EBF2: variants seen among roughly 807,000 people sequenced by gnomAD.
EBF2 encodes the protein transcription factor COE2.
In EBF2, 21 loss-of-function variants were observed where a neutral mutation model predicts 72.8. The ratio of observed to expected loss-of-function variants is 0.29; its 90% CI spans 0.20 to 0.42. The LOEUF (loss-of-function observed/expected upper bound fraction) is 0.42. EBF2 is among the 10% of genes least tolerant of loss of function. The pLI is 1.00. For missense variants in EBF2, 637 were observed against 731.2 expected, an observed-to-expected ratio of 0.87 and a Z score of 1.49; for synonymous variants, 299 against 274.2, an observed-to-expected ratio of 1.09 and a Z score of -0.89.
rs71551830 is a variant in EBF2 at position 25,906,767 on chromosome 8, A to AAAAC, written c.633+1703_633+1706dup. ...GGGTGACAGAGCGAGACTCCATCTC[A>AAAAC]AAACAAACAAACAAACAAACAAACA... is the stretch of plus-strand genomic sequence containing the variant. On this transcript the variant is annotated intron_variant, in intron 7 of 15. Transcript: ENST00000520164. 3.7e-3 allele frequency among the ~76,000 whole-genome samples: 560 copies of AAAAC among 149,874 alleles called. 3 individuals are homozygous for AAAAC. Among genetic ancestry groups the AAAAC allele is most frequent in the Middle Eastern group, 0.034 (10 of 290 alleles).
At chr8:25,985,763 G>A (rs2117203826) in intron 6 of EBF2, among the ~76,000 whole-genome samples, 1 of 152,196 alleles carries the variant, frequency 6.6e-6, no homozygotes, top group East Asian at 1.9e-4. Context: ...ACTTTGGGAG[G>A]CTGAGGCAGG....
intron 6 of EBF2, among the ~76,000 whole-genome samples, chr8:26,009,129 A>C (rs1357617536): frequency 1.8e-3 from 9 of 4,934 alleles, no homozygotes; most frequent in African/African-American, 3.1e-3. Context: ...AAAAAAAAAA[A>C]ACCACCATGG....
intron 5 of EBF2, among the ~76,000 whole-genome samples, chr8:26,039,530 C>A (rs1424262849): frequency 6.6e-6 from 1 of 152,180 alleles, no homozygotes; most frequent in Non-Finnish European, 1.5e-5. Flanking sequence ...GAGGAAGAAA[C>A]GCCCACGCAT....
At chr8:25,932,146 C>T (rs575563703) in intron 6 of EBF2, among the ~76,000 whole-genome samples, 1 of 152,210 alleles carries the variant, frequency 6.6e-6, no homozygotes, top group South Asian at 2.1e-4. Flanking sequence ...GACCTGGGTT[C>T]TAGTCCCAGA....
intron 6 of EBF2, among the ~76,000 whole-genome samples, chr8:26,004,455 A>G (rs1440481345): frequency 5.3e-5 from 8 of 152,122 alleles, no homozygotes; most frequent in African/African-American, 1.9e-4. Context: ...CAGGTGGATT[A>G]CATGAGGTCA....
chr8:25,862,688 T>C, intron 11 of EBF2, 21 bp downstream of exon 11: 1 of 1,557,246 alleles, frequency 6.4e-7, no homozygotes, highest in Non-Finnish European at 8.7e-7. Context: ...GCTTCACATG[T>C]CAATTTCCAA....
intron 14 of EBF2, 88 bp downstream of exon 14, chr8:25,858,231 T>A: frequency 1.3e-6 from 2 of 1,517,986 alleles, no homozygotes. Context: ...TAGGAAGATT[T>A]ACAAATGCAA....
chr8:26,033,190 T>C (rs774870570), intron 5 of EBF2, 37 bp from the exon 6 acceptor site: 2 of 1,600,692 alleles, frequency 1.2e-6, no homozygotes, highest in East Asian at 2.2e-5. Flanking sequence ...GAAAGAAATT[T>C]ATTAAATCAA....
At chr8:25,921,720 G>C (rs538032895) in intron 6 of EBF2, among the ~76,000 whole-genome samples, 3 of 152,150 alleles carry the variant, frequency 2.0e-5, no homozygotes, top group African/African-American at 7.2e-5. Flanking sequence ...GCTAACTCTG[G>C]TCATCTTGCA....
At chr8:25,953,581 T>C (rs1241171407) in intron 6 of EBF2, among the ~76,000 whole-genome samples, 1 of 152,042 alleles carries the variant, frequency 6.6e-6, no homozygotes, top group Admixed American at 6.6e-5. Context: ...CTGAATGCAG[T>C]CAGGGCAGCT....
At chr8:25,961,190 T>C (rs1804029182) in intron 6 of EBF2, among the ~76,000 whole-genome samples, 1 of 152,190 alleles carries the variant, frequency 6.6e-6, no homozygotes, top group Admixed American at 6.5e-5. Flanking sequence ...ATATAGTACA[T>C]ATCATTTATA....
chr8:25,874,144 G>C (rs1310412725), intron 10 of EBF2, among the ~76,000 whole-genome samples: 2 of 152,052 alleles, frequency 1.3e-5, no homozygotes, highest in African/African-American at 4.8e-5. Flanking sequence ...TCTTCAATGG[G>C]AATTTTTTTT....
chr8:26,017,630 A>G (rs1030246313), intron 6 of EBF2, among the ~76,000 whole-genome samples: 2 of 152,164 alleles, frequency 1.3e-5, no homozygotes, highest in Non-Finnish European at 2.9e-5. Context: ...CAGCATACCC[A>G]TACAACCAAA....
intron 13 of EBF2, among the ~76,000 whole-genome samples, chr8:25,860,035 A>T: frequency 6.6e-6 from 1 of 151,844 alleles, no homozygotes; most frequent in Non-Finnish European, 1.5e-5. Context: ...CTTTTGTAAG[A>T]ACTCTCCCTG....
At chr8:25,931,824 T>C (rs1803486450) in intron 6 of EBF2, among the ~76,000 whole-genome samples, 1 of 152,360 alleles carries the variant, frequency 6.6e-6, no homozygotes, top group South Asian at 2.1e-4. Flanking sequence ...GCCCATCGGC[T>C]ACACAAACAT....
intron 10 of EBF2, among the ~76,000 whole-genome samples, chr8:25,867,850 C>T (rs1044246760): frequency 1.3e-5 from 2 of 152,102 alleles, no homozygotes; most frequent in Admixed American, 1.3e-4. Context: ...CAATCAGAAA[C>T]CTTGAATTCA....
chr8:25,910,287 G>A lies in EBF2; in HGVS notation c.552-1732C>T, dbSNP rs537438391. Reference sequence around the variant, plus strand: ...TCAGCCACGGACACTCACAATGCTTGCAAATATTGCCTTTTCCCACTTGTG... The same window carrying A: ...TCAGCCACGGACACTCACAATGCTTACAAATATTGCCTTTTCCCACTTGTG... On this transcript the variant is annotated intron_variant, in intron 6 of 15. Transcript: ENST00000520164. 4.6e-5 allele frequency among the ~76,000 whole-genome samples: 7 copies of A among 152,288 alleles called. No homozygotes were observed. In the East Asian group the frequency reaches 1.2e-3, roughly 25 times the overall value.
intron 6 of EBF2, among the ~76,000 whole-genome samples, chr8:25,983,224 A>G (rs1394267799): frequency 6.6e-6 from 1 of 152,204 alleles, no homozygotes; most frequent in African/African-American, 2.4e-5. Flanking sequence ...CCATTTAAGA[A>G]AGATGAAGAA....
chr8:26,020,499 C>A (rs1341603398), intron 6 of EBF2, among the ~76,000 whole-genome samples: 3 of 152,142 alleles, frequency 2.0e-5, no homozygotes, highest in Non-Finnish European at 4.4e-5. Context: ...GGGTGCAAGT[C>A]GCTAAGGGAA....
Sources: allele counts gnomAD v4.1 joint callset (sites outside exome capture counted in the v4.1 genomes callset), GRCh38; gene constraint gnomAD v4.1.1; transcripts MANE v1.5; gene names NCBI Gene and HGNC (gene_info 2026-07-23, HGNC 2026-07-21).